RAB13: variants seen among roughly 807,000 people sequenced by gnomAD.
RAB13 encodes the protein ras-related protein Rab-13.
RAB13 carries 15 observed loss-of-function variants against 29.3 expected under a neutral mutation model. The observed-to-expected ratio is 0.51, with a 90% confidence interval of 0.34 to 0.79. The LOEUF (loss-of-function observed/expected upper bound fraction) is 0.79, where lower values mean the gene tolerates loss of function less well. Among genes scored for constraint, RAB13 ranks in the 30% least tolerant of loss-of-function variants. RAB13 has a pLI of 0.01. For missense variants in RAB13, 186 were observed against 255.5 expected, an observed-to-expected ratio of 0.73 and a Z score of 1.85; for synonymous variants, 82 against 93.8, an observed-to-expected ratio of 0.87 and a Z score of 0.73.
chr1:153,982,665 C>A lies in RAB13; in HGVS notation c.414+54G>T, dbSNP rs1649024745. On this transcript the variant is annotated intron_variant, in intron 5 of 7. Transcript: ENST00000368575. ...AGCAGCCAAGTCCTCTGCAATGCAA[C>A]CTATCTTGGCCCTCCCAGCCCAGTT... The A allele has an allele frequency of 9.3e-6, 15 of 1,610,544 alleles. No individual in the cohort carries two copies. The Admixed American group carries it at 2.2e-4, about 23-fold the overall frequency.
At chr1:153,987,328 A>T (rs1195591188), upstream of RAB13, among the ~76,000 whole-genome samples, 1 of 151,418 alleles carries the variant, frequency 6.6e-6, no homozygotes, top group African/African-American at 2.4e-5. Flanking sequence ...AACATGGTGA[A>T]ACCCCATCTC....
At chr1:153,988,446 A>C (rs1427297378), upstream of RAB13, among the ~76,000 whole-genome samples, 2 of 145,756 alleles carry the variant, frequency 1.4e-5, no homozygotes, top group African/African-American at 5.0e-5. Context: ...GGCGCCCGCC[A>C]CCACCCGGCT....
rs760293906 is a variant in RAB13 at position 153,982,095 on chromosome 1, G to A, written c.*4C>T. On this transcript the variant is annotated 3_prime_UTR_variant, in exon 8 of 8. Transcript: ENST00000368575. ...TTCCGGGGTGGGGAGGCAAGAAAGG[G>A]TCCTCAGCCCAGGGAGCACTTGTTG... 3 of 1,613,084 alleles carry A rather than the reference G, an allele frequency of 1.9e-6. No homozygotes were observed. Among genetic ancestry groups the A allele is most frequent in the Non-Finnish European group, 2.5e-6 (3 of 1,179,654 alleles).
chr1:153,988,933 T>G (rs1376463208), upstream of RAB13, among the ~76,000 whole-genome samples: 1 of 148,230 alleles, frequency 6.7e-6, no homozygotes, highest in Non-Finnish European at 1.5e-5. Flanking sequence ...TTTTATTTTA[T>G]TTTTTGAGAC....
chr1:153,983,040 G>A (rs902085428), intron 4 of RAB13, 179 bp downstream of exon 4: 6 of 739,946 alleles, frequency 8.1e-6, no homozygotes, highest in South Asian at 1.7e-5. Flanking sequence ...CAGGAAAATC[G>A]TTTGAACCTG....
upstream of RAB13, among the ~76,000 whole-genome samples, chr1:153,987,205 C>A (rs1571131176): frequency 6.6e-6 from 1 of 152,074 alleles, no homozygotes; most frequent in Admixed American, 6.6e-5. Context: ...ATGAACAGCA[C>A]GGGTATAAAG....
At chr1:153,984,997 T>A in intron 1 of RAB13, 1 of 1,273,256 alleles carries the variant, frequency 7.9e-7, no homozygotes, top group Non-Finnish European at 9.9e-7. Context: ...TTATGGATTT[T>A]GGGAGGGAAA....
Position 153,983,225 on chromosome 1 carries a change from G to C in RAB13, c.318C>G (p.Ile106Met). ...TCTTTTGGAGGGTCCTCACCTCCTT[G>C]ATGCTTTTCATCCAGTTCTGAATAT... ...FENIQNWMKS[I>M]KENASAGVER... is the part of the protein sequence containing the mutation. The change falls in exon 4 of 8, where the codon ATC (isoleucine) becomes ATG (methionine). Residue 106 changes from isoleucine to methionine, a missense_variant. Transcript: ENST00000368575. 1 of 1,612,788 alleles carries C rather than the reference G, an allele frequency of 6.2e-7. No homozygotes were observed. The highest frequency in any genetic ancestry group is 8.5e-7 in the Non-Finnish European group (1 of 1,178,816).
At chr1:153,990,009 TTC>T (rs747068058), upstream of RAB13, among the ~76,000 whole-genome samples, 1 of 152,226 alleles carries the variant, frequency 6.6e-6, no homozygotes, top group Non-Finnish European at 1.5e-5. Context: ...TTTTTGTCCA[TTC>T]TCTCACCTCT....
upstream of RAB13, chr1:153,990,685 C>T: frequency 6.8e-7 from 1 of 1,461,440 alleles, no homozygotes; most frequent in African/African-American, 1.4e-5. Context: ...TAAGACGTTC[C>T]AAACATGGTG....
chr1:153,983,277 T>G lies in RAB13; in HGVS notation c.266A>C (p.Asp89Ala), dbSNP rs1249396268. ...RGAMGIILVY[D>A]ITDEKSFENI... ...CTCGAAAGATTTCTCATCCGTGATG[T>G]CGTATACTAGGATAATGCCCTGGGA... Residue 89 changes from aspartate (D) to alanine (A), a missense_variant, in exon 4 of 8, where the codon GAC becomes GCC. Asp to Ala is a moderately radical substitution (Grantham distance 126). Coordinates refer to ENST00000368575, the MANE Select transcript of RAB13 (RefSeq NM_002870.5). 3.7e-6 allele frequency: 6 copies of G among 1,613,896 alleles called. No individual in the cohort carries two copies. Among genetic ancestry groups the G allele is most frequent in the Non-Finnish European group, 5.1e-6 (6 of 1,179,888 alleles).
At chr1:153,982,322 CACACACACACACATACAT>C in intron 7 of RAB13, 51 bp downstream of exon 7, 5 of 1,494,994 alleles carry the variant, frequency 3.3e-6, no homozygotes, top group East Asian at 4.5e-5. Context: ...CACACACACA[CACACACACACACATACAT>C]ACACACACAC....
rs377053979 is a variant in RAB13 at position 153,986,230 on chromosome 1, T to C, written c.7A>G (p.Lys3Glu). Residue 3 changes from lysine (K) to glutamate (E), a missense_variant, in exon 1 of 8, where the codon AAA becomes GAA. Physicochemically the swap from Lys to Glu is moderately conservative, Grantham distance 56. Transcript: ENST00000368575. Reference sequence around the variant, plus strand: ...AACTTGAAGAGGTGGTCGTAGGCTTTGGCCATGGCGGACACCGGGGGAGCC... The same window carrying C: ...AACTTGAAGAGGTGGTCGTAGGCTTCGGCCATGGCGGACACCGGGGGAGCC... MA[K>E]AYDHLFKLLL... 1.4e-5 allele frequency: 23 copies of C among 1,612,454 alleles called. No individual in the cohort carries two copies. Among genetic ancestry groups the C allele is most frequent in the Non-Finnish European group, 1.9e-5 (22 of 1,179,290 alleles).
At chr1:153,988,665 G>T (rs1008697002), upstream of RAB13, among the ~76,000 whole-genome samples, 4 of 149,238 alleles carry the variant, frequency 2.7e-5, 1 homozygote, top group Admixed American at 2.7e-4. Context: ...GTAGGCTGGG[G>T]TGCAATGGTG....
intron 1 of RAB13, chr1:153,985,118 A>C: frequency 9.4e-7 from 1 of 1,060,530 alleles, no homozygotes; most frequent in Non-Finnish European, 1.1e-6. Flanking sequence ...CCCCCCAGAT[A>C]TTACTTTCAC....
At chr1:153,982,302 A>AAC (rs56853500) in intron 7 of RAB13, 89 bp downstream of exon 7, 37,958 of 1,291,534 alleles carry the variant, frequency 0.029, 129 homozygotes, top group African/African-American at 0.04. Context: ...TATCAACACC[A>AAC]ACACACACAC....
chr1:153,987,053 T>C (rs1021632195), upstream of RAB13, among the ~76,000 whole-genome samples: 1 of 152,154 alleles, frequency 6.6e-6, no homozygotes, highest in Non-Finnish European at 1.5e-5. Flanking sequence ...TCTGACCAAA[T>C]AGCTTAGGAA....
upstream of RAB13, among the ~76,000 whole-genome samples, chr1:153,987,999 T>G (rs1262347253): frequency 6.6e-6 from 1 of 151,810 alleles, no homozygotes; most frequent in Non-Finnish European, 1.5e-5. Context: ...TTAATTAATT[T>G]TTTTGAGACA....
At chr1:153,988,790 T>G (rs1649261352), upstream of RAB13, among the ~76,000 whole-genome samples, 2 of 149,086 alleles carry the variant, frequency 1.3e-5, no homozygotes, top group South Asian at 4.2e-4. Flanking sequence ...TTTTGTATTT[T>G]TAGTAGAGAC....
Sources: allele counts gnomAD v4.1 joint callset (sites outside exome capture counted in the v4.1 genomes callset), GRCh38; gene constraint gnomAD v4.1.1; transcripts MANE v1.5; gene names NCBI Gene and HGNC (gene_info 2026-07-23, HGNC 2026-07-21).